CROCC: variants seen among roughly 807,000 people sequenced by gnomAD.
CROCC encodes the protein rootletin.
CROCC carries 180 observed loss-of-function variants against 245.2 expected under a neutral mutation model. The ratio of observed to expected loss-of-function variants is 0.73; its 90% confidence interval spans 0.65 to 0.83. CROCC has a LOEUF of 0.83. Ranked by LOEUF, CROCC falls within the 40% of genes least tolerant of loss-of-function variation. CROCC has a pLI of 0.00. For missense variants in CROCC, 2,688 were observed against 2,779.4 expected (o/e 0.97, Z 0.74); for synonymous variants, 1,205 against 1,241.6 (o/e 0.97, Z 0.62).
chr1:16,931,679 A>G (rs1430244657), intron 8 of CROCC, among the ~76,000 whole-genome samples: 1 of 152,276 alleles, frequency 6.6e-6, no homozygotes, highest in Non-Finnish European at 1.5e-5. Context: ...AGATGAGGAC[A>G]TTGTGGCGCA....
At chr1:16,941,148 A>G (rs2075923107) in intron 13 of CROCC, 1 of 169,266 alleles carries the variant, frequency 5.9e-6, no homozygotes, top group Non-Finnish European at 1.3e-5. Context: ...GGCATAAGCC[A>G]CTGTGCCTGG....
chr1:16,920,742 CTTT>C (rs33965029), upstream of CROCC, among the ~76,000 whole-genome samples: 76 of 135,392 alleles, frequency 5.6e-4, no homozygotes, highest in African/African-American at 1.9e-3. Context: ...GGGACTGTGC[CTTT>C]TTTTTTTTTT....
intron 11 of CROCC, 89 bp from the exon 12 acceptor site, chr1:16,938,820 G>GC (rs2075849086): frequency 3.9e-6 from 5 of 1,281,992 alleles, no homozygotes; most frequent in Non-Finnish European, 5.5e-6. Context: ...GAATGAGGCA[G>GC]CCCCCAGCCT....
chr1:16,924,537 G>A, intron 3 of CROCC, 58 bp downstream of exon 3: 2 of 1,586,368 alleles, frequency 1.3e-6, no homozygotes, highest in Non-Finnish European at 1.7e-6. Context: ...AGGGCAGGGA[G>A]GCATCTAGAC....
At chr1:16,930,094 T>G in intron 4 of CROCC, 30 bp from the exon 5 acceptor site, 1 of 1,578,688 alleles carries the variant, frequency 6.3e-7, no homozygotes, top group Non-Finnish European at 8.6e-7. Context: ...CCCCAACCCC[T>G]GGGGCTCACC....
intron 2 of CROCC, among the ~76,000 whole-genome samples, chr1:16,923,987 TACAGATAAGTA>T (rs1233936258): frequency 6.6e-6 from 1 of 152,252 alleles, no homozygotes; most frequent in African/African-American, 2.4e-5. Context: ...CCACCCATAT[TACAGATAAGTA>T]AATCTGAGGC....
intron 8 of CROCC, among the ~76,000 whole-genome samples, chr1:16,935,863 T>C (rs1382408150): frequency 6.6e-6 from 1 of 152,282 alleles, no homozygotes; most frequent in African/African-American, 2.4e-5. Context: ...AACCTCCTTG[T>C]CCACAAGCCA....
chr1:16,928,009 G>C (rs1212712615), intron 3 of CROCC, among the ~76,000 whole-genome samples: 9 of 152,284 alleles, frequency 5.9e-5, no homozygotes, highest in African/African-American at 2.2e-4. Context: ...TCAGCATATG[G>C]GGTCAATGCA....
At chr1:16,932,723 C>T (rs1380521489) in intron 8 of CROCC, among the ~76,000 whole-genome samples, 1 of 152,254 alleles carries the variant, frequency 6.6e-6, no homozygotes, top group Non-Finnish European at 1.5e-5. Context: ...AAAGGAGAGC[C>T]TGCCTCAGCG....
Position 16,955,401 on chromosome 1 carries a change from TGA to T in CROCC, c.3559_3560del (p.Ser1187ProfsTer33). 2.5e-6 allele frequency: 4 copies of T among 1,604,472 alleles called. No homozygotes were observed. Among genetic ancestry groups the T allele is most frequent in the Non-Finnish European group, 2.5e-6 (3 of 1,178,844 alleles). On this transcript the variant is annotated frameshift_variant, in exon 24 of 37. Coordinates refer to ENST00000375541, the MANE Select transcript of CROCC (RefSeq NM_014675.5). LOFTEE classifies it high-confidence loss of function. ...ELLEAQRKLR[E>X]SQEGREVQRQ... is the part of the protein sequence containing the mutation. The stretch of plus-strand genomic sequence containing the variant: ...TGCTGGAGGCCCAGCGCAAGCTGCG[TGA>T]GAGCCAGGAGGGCCGGGAGGTGCAG...
At position 16,930,424 on chromosome 1, in the gene CROCC, T is replaced by C. The variant is rs768585518; in HGVS notation, c.684-5T>C. On this transcript the variant is annotated splice_polypyrimidine_tract_variant and splice_region_variant and intron_variant, in intron 6 of 36. Transcript: ENST00000375541. ...GCGCCTACTGATCCCCTGTGCCCCATTCAGGAGTGCCAGCCTGGCCCAGGT... is the reference window on the plus strand; with the variant it reads ...GCGCCTACTGATCCCCTGTGCCCCACTCAGGAGTGCCAGCCTGGCCCAGGT... 2 of 1,611,522 alleles carry C rather than the reference T, an allele frequency of 1.2e-6. No homozygotes were observed. The highest frequency in any genetic ancestry group is 1.7e-6 in the Non-Finnish European group (2 of 1,179,732).
chr1:16,972,357 C>T lies in CROCC; in HGVS notation c.5968-3C>T. ...CTGGCCTTACCTTCCCTTTCTTCCC[C>T]AGGTGTCCACACTGAAGGGCCAGCT... On this transcript the variant is annotated splice_polypyrimidine_tract_variant and splice_region_variant and intron_variant, in intron 36 of 36. Transcript: ENST00000375541. 1.2e-6 allele frequency: 2 copies of T among 1,613,604 alleles called. No individual in the cohort carries two copies. Among genetic ancestry groups the T allele is most frequent in the Non-Finnish European group, 1.7e-6 (2 of 1,179,630 alleles).
intron 3 of CROCC, among the ~76,000 whole-genome samples, chr1:16,928,066 A>G (rs2075576314): frequency 6.6e-6 from 1 of 152,290 alleles, no homozygotes. Context: ...TGGACCCAAG[A>G]CCCGAGATGA....
At position 16,960,739 on chromosome 1, in the gene CROCC, C is replaced by T; in HGVS notation, c.4033-19C>T. 6.7e-7 allele frequency: 1 copy of T among 1,493,458 alleles called. No homozygotes were observed. Among genetic ancestry groups the T allele is most frequent in the Non-Finnish European group, 8.9e-7 (1 of 1,124,460 alleles). The allele number at this position is 1,493,458 out of a possible 1,614,324, so 92.5% of individuals were successfully genotyped here. ...TTGGGAGAGGTCTTGCCGACCTCCA[C>T]CTCCTGGCATCACTCCAGCTCCAGG... On this transcript the variant is annotated intron_variant, in intron 26 of 36. Coordinates refer to ENST00000375541, the MANE Select transcript of CROCC (RefSeq NM_014675.5).
chr1:16,947,619 A>G (rs1191623004), intron 17 of CROCC, among the ~76,000 whole-genome samples: 4 of 152,244 alleles, frequency 2.6e-5, no homozygotes, highest in Admixed American at 2.6e-4. Flanking sequence ...TGCAAGGTCT[A>G]TCCTGGAGCG....
intron 8 of CROCC, among the ~76,000 whole-genome samples, chr1:16,934,609 T>TA (rs1263880855): frequency 6.6e-6 from 1 of 152,260 alleles, no homozygotes; most frequent in African/African-American, 2.4e-5. Context: ...GGCCTTAAAA[T>TA]ACAAAACAAA....
chr1:16,971,798 A>C, intron 36 of CROCC, 151 bp downstream of exon 36: 1 of 767,818 alleles, frequency 1.3e-6, no homozygotes, highest in Non-Finnish European at 2.0e-6. Context: ...GTCAGCCAAG[A>C]CCAGACCGGG....
chr1:16,969,262 C>T lies in CROCC; in HGVS notation c.5223C>T (p.Ser1741=), dbSNP rs575927082. 22 of 1,613,460 alleles carry T rather than the reference C, an allele frequency of 1.4e-5. No homozygotes were observed. The South Asian group carries it at 2.2e-4, about 16-fold the overall frequency. ...AGGCCCTGGCCCAGAGCAGTGCCAG[C>T]CTCAACAGCACCCGGGACAAGAACC... is the stretch of plus-strand genomic sequence containing the variant. ...LTEALAQSSA[S]LNSTRDKNLH... The change falls in exon 32 of 37, where the codon AGC becomes AGT. Residue 1741 remains serine (S), a synonymous_variant. Coordinates refer to ENST00000375541, the MANE Select transcript of CROCC (RefSeq NM_014675.5).
intron 9 of CROCC, among the ~76,000 whole-genome samples, chr1:16,937,352 C>CAA (rs34292893): frequency 7.1e-3 from 977 of 137,374 alleles, no homozygotes; most frequent in Middle Eastern, 0.025. Flanking sequence ...AACTCCGTCT[C>CAA]AAAAAAAAAA....
Sources: gnomAD v4.1 joint callset for allele counts (sites outside exome capture counted in the v4.1 genomes callset) on GRCh38, gnomAD v4.1.1 for gene constraint, MANE v1.5 for transcripts, NCBI Gene and HGNC (gene_info 2026-07-23, HGNC 2026-07-21) for gene names.